ADGRG5: variants seen among roughly 807,000 people sequenced by gnomAD.
The protein encoded by ADGRG5 is adhesion G protein-coupled receptor G5.
Under a neutral mutation model 53.2 loss-of-function variants are expected in ADGRG5, and 37 were observed. The observed-to-expected ratio is 0.70, with a 90% confidence interval of 0.53 to 0.91. The LOEUF is 0.91. Ranked by LOEUF, ADGRG5 falls within the 40% of genes least tolerant of loss-of-function variation. The pLI is 0.00. For missense variants in ADGRG5, 614 were observed against 675.8 expected (o/e 0.91, Z 1.01); for synonymous variants, 277 against 290.4 (o/e 0.95, Z 0.47).
At chr16:57,545,770 C>T (rs2032601735) in intron 1 of ADGRG5, among the ~76,000 whole-genome samples, 1 of 152,116 alleles carries the variant, frequency 6.6e-6, no homozygotes, top group Admixed American at 6.6e-5. Context: ...GTTATTTGCT[C>T]TTACAAACAA....
At chr16:57,565,775 A>C (rs2033116945) in intron 6 of ADGRG5, 1 of 152,458 alleles carries the variant, frequency 6.6e-6, no homozygotes, top group Non-Finnish European at 1.5e-5. Context: ...GTAAGTGCAG[A>C]TGCTGATCCT....
chr16:57,533,895 T>C, the ADGRG5 span, among the ~76,000 whole-genome samples: 1 of 152,146 alleles, frequency 6.6e-6, no homozygotes, highest in Admixed American at 6.5e-5. Context: ...ATGGGGTGTC[T>C]ATGTGCGTGG....
In ADGRG5 at chr16:57,568,120, C is replaced by T. The variant is rs1456626376; in HGVS notation, c.1086C>T (p.Gly362=). 17 of 1,613,728 alleles carry T rather than the reference C, an allele frequency of 1.1e-5. No homozygotes were observed. The highest frequency in any genetic ancestry group is 1.4e-5 in the Non-Finnish European group (17 of 1,179,772). Residue 362 remains glycine (G), a synonymous_variant, in exon 9 of 12, where the codon GGC becomes GGT. Coordinates refer to ENST00000349457, the MANE Select transcript of ADGRG5 (RefSeq NM_001304376.3). ...ATGTGTTCAAGCTTGGTGTGCTAGG[C>T]TGGGGTAAGCACATCATCTCTCCTC... The part of the protein sequence containing the change: ...RRYVFKLGVL[G]WGAPALLVLL...
chr16:57,535,619 C>A, the ADGRG5 span, among the ~76,000 whole-genome samples: 4 of 152,018 alleles, frequency 2.6e-5, no homozygotes, highest in Admixed American at 6.5e-5. Flanking sequence ...TCATGGGGAC[C>A]CAGCCCCACC....
chr16:57,561,686 T>A (rs2033005259), intron 1 of ADGRG5, among the ~76,000 whole-genome samples: 1 of 152,156 alleles, frequency 6.6e-6, no homozygotes, highest in Non-Finnish European at 1.5e-5. Context: ...AGCCGCACGA[T>A]GAGTTAATGG....
chr16:57,558,655 T>C (rs1227651744), intron 1 of ADGRG5, among the ~76,000 whole-genome samples: 2 of 152,160 alleles, frequency 1.3e-5, no homozygotes, highest in Non-Finnish European at 2.9e-5. Flanking sequence ...GGTACTAGAG[T>C]GCAGGCAGAC....
rs143672048 is a variant in ADGRG5 at position 57,562,459 on chromosome 16, G to T, written c.140G>T (p.Arg47Leu). 6.3e-7 allele frequency: 1 copy of T among 1,594,402 alleles called. No homozygotes were observed. Among genetic ancestry groups the T allele is most frequent in the South Asian group, 1.1e-5 (1 of 87,654 alleles). The change falls in exon 3 of 12, where the codon CGT (arginine) becomes CTT (leucine). Residue 47 changes from arginine (R) to leucine (L), a missense_variant and splice_region_variant. Transcript: ENST00000349457. Reference sequence around the variant, plus strand: ...GGCCGGAGCTCAGTTTTTTCCTCTCGGTGAGTTGGATGTGCCTCCCACCCC... The same window carrying T: ...GGCCGGAGCTCAGTTTTTTCCTCTCTGTGAGTTGGATGTGCCTCCCACCCC... ...SRGRSSVFSS[R>L]QLHQLEQMLL...
chr16:57,561,597 G>T (rs542950641), intron 1 of ADGRG5, among the ~76,000 whole-genome samples: 15 of 152,284 alleles, frequency 9.9e-5, no homozygotes, highest in African/African-American at 3.4e-4. Flanking sequence ...ACATAAATTT[G>T]CTCTATTGAA....
chr16:57,575,640 AG>A lies in ADGRG5; in HGVS notation c.*104del. The A allele has an allele frequency of 1.1e-6, 1 of 903,834 alleles. No individual in the cohort carries two copies. Among genetic ancestry groups the A allele is most frequent in the Non-Finnish European group, 1.7e-6 (1 of 571,796 alleles). 56.0% of individuals were successfully genotyped at this position (903,834 alleles called of 1,614,324 possible). A position where few individuals can be genotyped will look rare whatever the true frequency, so the allele number is the denominator to read the frequency against. ...TGGCAGGCCTGCTGCTGGACCCCAG[AG>A]GCCACTGTGACCGCCAAGGGGCCTT... On this transcript the variant is annotated 3_prime_UTR_variant, in exon 12 of 12. Coordinates refer to ENST00000349457, the MANE Select transcript of ADGRG5 (RefSeq NM_001304376.3).
At chr16:57,564,988 C>A in intron 5 of ADGRG5, 46 bp from the exon 6 acceptor site, 1 of 1,146,722 alleles carries the variant, frequency 8.7e-7, no homozygotes. Flanking sequence ...TACCCAGGGC[C>A]TCCCCATTTC....
At chr16:57,533,359 C>G in the ADGRG5 span, among the ~76,000 whole-genome samples, 1 of 152,148 alleles carries the variant, frequency 6.6e-6, no homozygotes, top group Non-Finnish European at 1.5e-5. Flanking sequence ...GAATCCTGCA[C>G]TCCCACATAG....
chr16:57,535,289 C>A, the ADGRG5 span, among the ~76,000 whole-genome samples: 2 of 152,144 alleles, frequency 1.3e-5, no homozygotes, highest in Admixed American at 1.3e-4. Flanking sequence ...CCAGGCTGGA[C>A]CTAAGCCCAG....
intron 1 of ADGRG5, among the ~76,000 whole-genome samples, chr16:57,557,461 G>A (rs73547019): frequency 0.013 from 2,054 of 152,156 alleles, 51 homozygotes; most frequent in African/African-American, 0.048. Flanking sequence ...ATTCCATTGG[G>A]TTTTGCAGAG....
At chr16:57,536,641 G>A in the ADGRG5 span, 4 of 152,264 alleles carry the variant, frequency 2.6e-5, no homozygotes, top group East Asian at 7.8e-4. Context: ...GGGGAAGCAG[G>A]GGGAGCGGCG....
chr16:57,560,592 A>G (rs1182153057), intron 1 of ADGRG5, among the ~76,000 whole-genome samples: 6 of 151,994 alleles, frequency 3.9e-5, no homozygotes, highest in Non-Finnish European at 5.9e-5. Flanking sequence ...GGATGTGGGG[A>G]GGGGATATTG....
chr16:57,531,685 G>A, the ADGRG5 span, among the ~76,000 whole-genome samples: 5 of 151,998 alleles, frequency 3.3e-5, no homozygotes, highest in African/African-American at 7.3e-5. Flanking sequence ...AGCAGGAGCC[G>A]CAAGCCACTG....
chr16:57,537,130 T>C, the ADGRG5 span, among the ~76,000 whole-genome samples: 1 of 152,142 alleles, frequency 6.6e-6, no homozygotes, highest in Non-Finnish European at 1.5e-5. Flanking sequence ...GGCGGAGACT[T>C]TTCTCTGCAT....
intron 1 of ADGRG5, among the ~76,000 whole-genome samples, chr16:57,558,290 T>C (rs1228277098): frequency 1.3e-5 from 2 of 152,222 alleles, no homozygotes; most frequent in African/African-American, 4.8e-5. Context: ...TTGTTGTTGC[T>C]ATAGTTACCT....
chr16:57,539,728 T>A (rs1383619506), upstream of ADGRG5, among the ~76,000 whole-genome samples: 1 of 151,988 alleles, frequency 6.6e-6, no homozygotes, highest in South Asian at 2.1e-4. Flanking sequence ...GTGTTGGGAT[T>A]ATAGGTGCGA....
Sources: allele counts gnomAD v4.1 joint callset (sites outside exome capture counted in the v4.1 genomes callset), GRCh38; gene constraint gnomAD v4.1.1; transcripts MANE v1.5; gene names NCBI Gene and HGNC (gene_info 2026-07-23, HGNC 2026-07-21).